Variants in CFAP141 observed in about 807,000 individuals in gnomAD.
The protein encoded by CFAP141 is cilia and flagella associated protein 141.
the CFAP141 span, chr1:154,200,624 G>A: frequency 5.0e-6 from 8 of 1,611,846 alleles, no homozygotes; most frequent in South Asian, 5.5e-5. Context: ...TGAATGGGTG[G>A]GTTAGAGTTA....
At chr1:154,206,332 C>A in the CFAP141 span, 4 of 1,611,778 alleles carry the variant, frequency 2.5e-6, no homozygotes, top group South Asian at 3.3e-5. Context: ...TTGATACAGT[C>A]TGAGGAGACT....
At chr1:154,203,235 A>G in the CFAP141 span, among the ~76,000 whole-genome samples, 3 of 40,536 alleles carry the variant, frequency 7.4e-5, no homozygotes, top group South Asian at 1.8e-3. Flanking sequence ...ATATATATAT[A>G]CTTTGTTGGG....
chr1:154,200,777 G>C, the CFAP141 span, among the ~76,000 whole-genome samples: 2 of 152,096 alleles, frequency 1.3e-5, no homozygotes, highest in Non-Finnish European at 2.9e-5. Context: ...CTGCCTCCCA[G>C]GTTCAAGTGA....
chr1:154,199,483 G>T, the CFAP141 span: 1 of 1,613,442 alleles, frequency 6.2e-7, no homozygotes, highest in Non-Finnish European at 8.5e-7. Flanking sequence ...TGCTGGTACT[G>T]CTGATGCTCC....
the CFAP141 span, chr1:154,206,203 A>C: frequency 7.2e-7 from 1 of 1,393,562 alleles, no homozygotes; most frequent in Non-Finnish European, 1.0e-6. Context: ...CCAGTAAAAG[A>C]TGCACTTATA....
the CFAP141 span, chr1:154,206,328 C>T: frequency 1.9e-6 from 3 of 1,613,024 alleles, no homozygotes; most frequent in African/African-American, 1.3e-5. Context: ...TTGCTTGATA[C>T]AGTCTGAGGA....
At chr1:154,201,777 AT>A in the CFAP141 span, among the ~76,000 whole-genome samples, 125 of 146,172 alleles carry the variant, frequency 8.6e-4, no homozygotes, top group African/African-American at 2.8e-3. Context: ...TGAAGTTTTA[AT>A]TTTTTTTTTT....
At chr1:154,199,298 G>T in the CFAP141 span, 1 of 610,988 alleles carries the variant, frequency 1.6e-6, no homozygotes, top group Non-Finnish European at 2.9e-6. Context: ...GAGTGGAAGT[G>T]CTGTCTTAAG....
chr1:154,205,709 C>CA, the CFAP141 span: 9 of 1,147,320 alleles, frequency 7.8e-6, no homozygotes, highest in Non-Finnish European at 1.1e-5. Flanking sequence ...AGACATAGAC[C>CA]TTTTTTTTTT....
chr1:154,199,300 T>TG, the CFAP141 span: 1 of 614,834 alleles, frequency 1.6e-6, no homozygotes, highest in South Asian at 2.3e-5. Context: ...GTGGAAGTGC[T>TG]GTCTTAAGTC....
chr1:154,200,534 T>A, the CFAP141 span: 1 of 1,614,212 alleles, frequency 6.2e-7, no homozygotes, highest in Middle Eastern at 1.7e-4. Flanking sequence ...CATACGGGTT[T>A]CTTCTCTGGC....
chr1:154,199,837 G>A, the CFAP141 span, among the ~76,000 whole-genome samples: 2 of 151,938 alleles, frequency 1.3e-5, no homozygotes, highest in African/African-American at 4.8e-5. Context: ...AGAGAGAGAG[G>A]TACCGAGAGG....
At chr1:154,205,098 G>A in the CFAP141 span, among the ~76,000 whole-genome samples, 1 of 151,760 alleles carries the variant, frequency 6.6e-6, no homozygotes, top group Non-Finnish European at 1.5e-5. Flanking sequence ...TGCCTAGGCT[G>A]GTCTTGAACT....
the CFAP141 span, among the ~76,000 whole-genome samples, chr1:154,201,443 AGT>A: frequency 6.7e-6 from 1 of 150,282 alleles, no homozygotes; most frequent in Middle Eastern, 3.2e-3. Flanking sequence ...GCTGGAGTGC[AGT>A]GAGGCAATCT....
chr1:154,204,836 A>G, the CFAP141 span, among the ~76,000 whole-genome samples: 95 of 149,706 alleles, frequency 6.3e-4, 1 homozygote, highest in African/African-American at 2.3e-3. Flanking sequence ...TGCTGGGATT[A>G]TAGGTGTGAA....
the CFAP141 span, chr1:154,199,225 C>A: frequency 3.0e-6 from 1 of 330,906 alleles, no homozygotes; most frequent in Non-Finnish European, 5.7e-6. Context: ...CTTGTTGTTA[C>A]TGTTGTTTCA....
the CFAP141 span, among the ~76,000 whole-genome samples, chr1:154,199,740 T>C: frequency 1.3e-5 from 2 of 152,236 alleles, no homozygotes; most frequent in Non-Finnish European, 2.9e-5. Flanking sequence ...TCAGCAAATA[T>C]TTGCTGAGAA....
the CFAP141 span, among the ~76,000 whole-genome samples, chr1:154,200,035 C>T: frequency 3.9e-5 from 6 of 152,202 alleles, no homozygotes; most frequent in African/African-American, 1.2e-4. Flanking sequence ...CCACCATGCC[C>T]GGCCAATTTT....
At chr1:154,205,607 GTCT>G in the CFAP141 span, 78 of 1,613,856 alleles carry the variant, frequency 4.8e-5, no homozygotes, top group East Asian at 1.5e-3. Flanking sequence ...CCTGTCGACC[GTCT>G]TCTTAAGTCC....
Sources: allele counts gnomAD v4.1 joint callset (sites outside exome capture counted in the v4.1 genomes callset), GRCh38; gene constraint gnomAD v4.1.1; transcripts MANE v1.5; gene names NCBI Gene and HGNC (gene_info 2026-07-23, HGNC 2026-07-21).